The following CHD6 variants were observed in gnomAD, a reference collection of about 807,000 sequenced individuals.
CHD6 encodes chromodomain helicase DNA binding protein 6, also known as ATP-dependent chromatin remodeler CHD6.
CHD6 carries 50 observed loss-of-function variants against 276.9 expected under a neutral mutation model. The observed-to-expected ratio is 0.18, with a 90% CI of 0.14 to 0.23. The LOEUF (loss-of-function observed/expected upper bound fraction) is 0.23. CHD6 is among the 10% of genes least tolerant of loss of function. The pLI, the probability that CHD6 is intolerant of heterozygous loss-of-function variation, is 1.00. For synonymous variants in CHD6, 1,173 were observed against 1,229.3 expected (o/e 0.95, Z 0.96); for missense variants, 2,564 against 3,365.8 (o/e 0.76, Z 5.89).
At position 41,473,512 on chromosome 20, in the gene CHD6, G is replaced by C. The variant is rs1329420446; in HGVS notation, c.2474C>G (p.Thr825Ser). Residue 825 changes from threonine to serine, a missense_variant, in exon 17 of 37, where the codon ACC becomes AGC. Physicochemically the swap from Thr to Ser is moderately conservative, Grantham distance 58 (BLOSUM62 1). This residue lies in a region of CHD6 where 457 missense variants were observed against 889.0 expected (regional missense o/e 0.51). Transcript: ENST00000373233. This position sits in a 1 kb window ranked among gnomAD's most constrained non-coding sequence, Gnocchi z 4.1. ...LEDYLIQRRYTYERIDGRVRG... is the reference protein window; with the variant it reads ...LEDYLIQRRYSYERIDGRVRG... Reference sequence around the variant, plus strand: ...TACTCGCCCATCAATTCGCTCATAGGTGTATCTGAGGGGACCCAAATGAAC... The same window carrying C: ...TACTCGCCCATCAATTCGCTCATAGCTGTATCTGAGGGGACCCAAATGAAC... The C allele has an allele frequency of 6.2e-7, 1 of 1,613,846 alleles. No homozygotes were observed. Among genetic ancestry groups the C allele is most frequent in the South Asian group, 1.1e-5 (1 of 91,066 alleles).
At chr20:41,529,465 C>T (rs1464578926) in intron 3 of CHD6, among the ~76,000 whole-genome samples, 1 of 152,116 alleles carries the variant, frequency 6.6e-6, no homozygotes, top group East Asian at 1.9e-4. Context: ...CTCCGTTTCC[C>T]TGGCTGCAAT....
rs187883397 is a variant in CHD6, at chr20:41,433,974, C to T, written c.4068+3300G>A. Among the ~76,000 whole-genome samples, 385 of 152,016 alleles carry T rather than the reference C, an allele frequency of 2.5e-3. 3 individuals are homozygous for T. Among genetic ancestry groups the T allele is most frequent in the South Asian group, 3.9e-3 (19 of 4,812 alleles). On this transcript the variant is annotated intron_variant, in intron 27 of 36. Coordinates refer to ENST00000373233, the MANE Select transcript of CHD6 (RefSeq NM_032221.5). ...AAAGATAAATCAGAATAAAATCATA[C>T]AAAATACTCATGTAAACCAGAGGAA...
intron 5 of CHD6, among the ~76,000 whole-genome samples, chr20:41,499,662 A>G (rs775755206): frequency 6.6e-6 from 1 of 152,190 alleles, no homozygotes; most frequent in Non-Finnish European, 1.5e-5. Context: ...TTGCAAAACT[A>G]CCTACATGTT....
chr20:41,405,402 G>C lies in CHD6; in HGVS notation c.7339C>G (p.Arg2447Gly), dbSNP rs143811765. ...GAAGGAGCCTTCAGGAGTTCGCTCC[G>C]AGGCCGCCTCCCCCTCCTGCGGGGG... Reference protein sequence around the residue: ...TGPRRRGRRPRSELLKAPSIV... With the variant: ...TGPRRRGRRPGSELLKAPSIV... The change falls in exon 37 of 37, where the codon CGG (arginine) becomes GGG (glycine). Residue 2447 changes from arginine (R) to glycine (G), a missense_variant. This residue lies in a region of CHD6 where 1,024 missense variants were observed against 1,047.9 expected (regional missense o/e 0.98). Transcript: ENST00000373233. The C allele has an allele frequency of 1.2e-6, 2 of 1,613,630 alleles. No individual in the cohort carries two copies. Among genetic ancestry groups the C allele is most frequent in the Admixed American group, 1.7e-5 (1 of 60,022 alleles).
In CHD6 at chr20:41,447,584, T is replaced by A. The variant is rs533025108; in HGVS notation, c.3773+298A>T. Among the ~76,000 whole-genome samples, 6 of 152,364 alleles carry A rather than the reference T, an allele frequency of 3.9e-5. No homozygotes were observed. The South Asian group carries it at 1.2e-3, about 32-fold the overall frequency. ...ATGTCAGATCAGTAACCGACACTCGTTCTACAGTAAATGACTGTTTTAAAA... is the reference window on the plus strand; with the variant it reads ...ATGTCAGATCAGTAACCGACACTCGATCTACAGTAAATGACTGTTTTAAAA... On this transcript the variant is annotated intron_variant, in intron 24 of 36. Transcript: ENST00000373233.
chr20:41,493,702 G>A (rs2145875553), intron 9 of CHD6, 30 bp from the exon 10 acceptor site: 2 of 1,611,274 alleles, frequency 1.2e-6, no homozygotes, highest in Middle Eastern at 3.3e-4. Context: ...GAAACTTAAT[G>A]TTCTATTAGG....
At chr20:41,593,636 T>C (rs2045687311) in intron 1 of CHD6, among the ~76,000 whole-genome samples, 2 of 152,230 alleles carry the variant, frequency 1.3e-5, no homozygotes, top group Non-Finnish European at 2.9e-5. Flanking sequence ...CAAATTCATA[T>C]GCTGAAGCCC....
rs1386573883 is a variant in CHD6 at position 41,452,311 on chromosome 20, CAA to C, written c.3324-288_3324-287del. Among the ~76,000 whole-genome samples, 1 of 152,168 alleles carries C rather than the reference CAA, an allele frequency of 6.6e-6. No homozygotes were observed. The highest frequency in any genetic ancestry group is 1.5e-5 in the Non-Finnish European group (1 of 68,028). On this transcript the variant is annotated intron_variant, in intron 21 of 36. Coordinates refer to ENST00000373233, the MANE Select transcript of CHD6 (RefSeq NM_032221.5). The surrounding 1 kb of genome is among the most constrained non-coding windows in gnomAD (Gnocchi z 4.2). ...TGGGAGCAGGGAATAAATTTGGAAT[CAA>C]AAAGAGTCCAACAGCACTATTCAAA... is the stretch of plus-strand genomic sequence containing the variant.
intron 34 of CHD6, 118 bp from the exon 35 acceptor site, chr20:41,413,633 T>G: frequency 1.2e-6 from 1 of 861,688 alleles, no homozygotes; most frequent in Non-Finnish European, 1.7e-6. Flanking sequence ...CTGATATTAC[T>G]CAGCTGGGGT....
intron 1 of CHD6, among the ~76,000 whole-genome samples, chr20:41,563,736 ACTT>A (rs2045326688): frequency 6.6e-6 from 1 of 152,230 alleles, no homozygotes; most frequent in African/African-American, 2.4e-5. Flanking sequence ...ATCTGACTGT[ACTT>A]TTTTGTTGTT....
At chr20:41,529,203 C>T (rs1486026143) in intron 3 of CHD6, among the ~76,000 whole-genome samples, 1 of 152,108 alleles carries the variant, frequency 6.6e-6, no homozygotes, top group Admixed American at 6.6e-5. Flanking sequence ...TGTTATATAA[C>T]AATAGGAGTT....
Position 41,404,743 on chromosome 20 carries a change from G to T in CHD6, c.7998C>A (p.Asn2666Lys). 4 of 1,605,572 alleles carry T rather than the reference G, an allele frequency of 2.5e-6. No homozygotes were observed. Among genetic ancestry groups the T allele is most frequent in the Non-Finnish European group, 3.4e-6 (4 of 1,175,420 alleles). ...AGCTGGGAGCAGGCTCTGGGTGGGA[G>T]TTGGGGTTGTCCCCCTTTGTCTTCT... ...KKKKTKGDNP[N>K]SHPEPAPSCE... Residue 2666 changes from asparagine (N) to lysine (K), a missense_variant, in exon 37 of 37, where the codon AAC (asparagine) becomes AAA (lysine). Transcript: ENST00000373233.
chr20:41,451,183 G>A (rs2048229366), intron 22 of CHD6, 78 bp from the exon 23 acceptor site: 4 of 1,307,438 alleles, frequency 3.1e-6, no homozygotes, highest in Admixed American at 1.8e-5. Flanking sequence ...AGCTGGGCTG[G>A]GGTTTGTTAG....
chr20:41,414,456 T>C (rs7265695), intron 34 of CHD6: 41,449 of 162,590 alleles, frequency 0.25, 5,880 homozygotes, highest in African/African-American at 0.37. Flanking sequence ...TAAGTACTAG[T>C]TATTATTATT....
At chr20:41,544,965 T>C (rs376607076) in intron 2 of CHD6, among the ~76,000 whole-genome samples, 29 of 152,256 alleles carry the variant, frequency 1.9e-4, no homozygotes, top group African/African-American at 6.5e-4. Context: ...AACTCCCATC[T>C]CATGCTTTCT....
intron 1 of CHD6, among the ~76,000 whole-genome samples, chr20:41,602,690 T>A (rs2045785914): frequency 6.6e-6 from 1 of 152,118 alleles, no homozygotes; most frequent in African/African-American, 2.4e-5. Context: ...AAAGGACAAT[T>A]TTATAGCATG....
chr20:41,447,517 A>C (rs1052210399), intron 24 of CHD6, among the ~76,000 whole-genome samples: 1 of 152,246 alleles, frequency 6.6e-6, no homozygotes, highest in Admixed American at 6.5e-5. Context: ...TATGAGTACT[A>C]AGGCAAAGAA....
chr20:41,532,878 T>C (rs568049172), intron 3 of CHD6, among the ~76,000 whole-genome samples, 172 bp downstream of exon 3: 2 of 152,224 alleles, frequency 1.3e-5, no homozygotes, highest in African/African-American at 4.8e-5. Flanking sequence ...GGACAGCCCC[T>C]TGCATTAGCA....
At chr20:41,484,671 C>T in intron 14 of CHD6, 64 bp from the exon 15 acceptor site, 1 of 1,520,516 alleles carries the variant, frequency 6.6e-7, no homozygotes, top group African/African-American at 1.4e-5. Context: ...CTGGGGTATT[C>T]CAACCTTCAC....
Sources: allele counts gnomAD v4.1 joint callset (sites outside exome capture counted in the v4.1 genomes callset), GRCh38; gene constraint gnomAD v4.1.1; regional missense constraint gnomAD v4.1.1; non-coding constraint Gnocchi (gnomAD v3.1); transcripts MANE v1.5; gene names NCBI Gene and HGNC (gene_info 2026-07-23, HGNC 2026-07-21).